Variants in FRMD3 observed in about 807,000 individuals in gnomAD.
FRMD3 encodes the protein FERM domain containing 3, also known as FERM domain-containing protein 3.
In FRMD3, 33 loss-of-function variants were observed where a neutral mutation model predicts 70.2. The observed-to-expected ratio is 0.47, with a 90% CI of 0.36 to 0.63. The LOEUF (loss-of-function observed/expected upper bound fraction) is 0.63, where lower values mean the gene tolerates loss of function less well. Among genes scored for constraint, FRMD3 ranks in the 20% least tolerant of loss-of-function variants. The pLI, the probability that FRMD3 is intolerant of heterozygous loss-of-function variation, is 0.00. For missense variants in FRMD3, 632 were observed against 711.4 expected (o/e 0.89, Z 1.27); for synonymous variants, 279 against 255.9 (o/e 1.09, Z -0.86).
At chr9:83,470,915 G>A (rs1828252902) in intron 1 of FRMD3, among the ~76,000 whole-genome samples, 1 of 152,226 alleles carries the variant, frequency 6.6e-6, no homozygotes, top group Non-Finnish European at 1.5e-5. Flanking sequence ...ACAAGCTGGA[G>A]CATTTTCCCC....
At chr9:83,302,693 G>A (rs1197738224) in intron 10 of FRMD3, among the ~76,000 whole-genome samples, 2 of 151,986 alleles carry the variant, frequency 1.3e-5, no homozygotes, top group Non-Finnish European at 2.9e-5. Flanking sequence ...AATTATGGAG[G>A]TTCCAGAAAA....
At chr9:83,581,243 C>G in the FRMD3 span, among the ~76,000 whole-genome samples, 2 of 152,086 alleles carry the variant, frequency 1.3e-5, no homozygotes, top group African/African-American at 4.8e-5. Flanking sequence ...AAATTGTATA[C>G]CAAGTATATA....
chr9:83,454,799 A>C, intron 1 of FRMD3, among the ~76,000 whole-genome samples: 1 of 152,198 alleles, frequency 6.6e-6, no homozygotes, highest in African/African-American at 2.4e-5. Flanking sequence ...TCATCTTTGC[A>C]AACATTTTTT....
intron 12 of FRMD3, among the ~76,000 whole-genome samples, chr9:83,296,372 C>T (rs1230579250): frequency 6.6e-6 from 1 of 152,188 alleles, no homozygotes. Flanking sequence ...GTGCTGCTGT[C>T]ATCCCATACT....
chr9:83,509,083 A>T (rs1587497251), intron 1 of FRMD3, among the ~76,000 whole-genome samples: 1 of 151,032 alleles, frequency 6.6e-6, no homozygotes, highest in Middle Eastern at 3.4e-3. Context: ...TATTTTACTT[A>T]TTTTTGCCTC....
intron 5 of FRMD3, among the ~76,000 whole-genome samples, chr9:83,339,127 A>G: frequency 6.6e-6 from 1 of 152,098 alleles, no homozygotes. Flanking sequence ...ATCTTGTGAG[A>G]TATTATAGAC....
chr9:83,329,009 A>G (rs1836137557), intron 6 of FRMD3, among the ~76,000 whole-genome samples: 1 of 152,152 alleles, frequency 6.6e-6, no homozygotes, highest in Non-Finnish European at 1.5e-5. Context: ...TCATGGCCAC[A>G]TTGCACTTTG....
chr9:83,550,414 G>A, the FRMD3 span, among the ~76,000 whole-genome samples: 1 of 152,142 alleles, frequency 6.6e-6, no homozygotes, highest in Non-Finnish European at 1.5e-5. Context: ...GCTTAGGATT[G>A]CCTTGGCTAT....
chr9:83,565,532 C>T, the FRMD3 span, among the ~76,000 whole-genome samples: 1 of 152,176 alleles, frequency 6.6e-6, no homozygotes, highest in African/African-American at 2.4e-5. Context: ...TCTTGGGCTA[C>T]TCAGATGGAC....
At chr9:83,352,674 T>C (rs1322918193) in intron 3 of FRMD3, among the ~76,000 whole-genome samples, 1 of 152,178 alleles carries the variant, frequency 6.6e-6, no homozygotes, top group Non-Finnish European at 1.5e-5. Context: ...TCCTCTTCAT[T>C]TGAAGCAGTT....
intron 6 of FRMD3, among the ~76,000 whole-genome samples, chr9:83,316,156 T>C (rs1281565504): frequency 7.5e-6 from 1 of 133,038 alleles, no homozygotes; most frequent in Non-Finnish European, 1.6e-5. Flanking sequence ...CTCTTTTTTT[T>C]TTTTCTTTTT....
chr9:83,555,020 A>G, the FRMD3 span, among the ~76,000 whole-genome samples: 143 of 152,222 alleles, frequency 9.4e-4, no homozygotes, highest in Non-Finnish European at 1.4e-3. Context: ...GGAGGTACAA[A>G]CCTTTTGCTG....
intron 8 of FRMD3, 67 bp from the exon 9 acceptor site, chr9:83,310,615 C>T (rs1340453395): frequency 7.2e-6 from 9 of 1,243,812 alleles, no homozygotes; most frequent in South Asian, 1.3e-5. Flanking sequence ...CTGGGTTTCC[C>T]ATAGGAATCT....
intron 13 of FRMD3, among the ~76,000 whole-genome samples, chr9:83,261,414 C>A (rs555347261): frequency 6.6e-6 from 1 of 152,138 alleles, no homozygotes; most frequent in Non-Finnish European, 1.5e-5. Flanking sequence ...ATGGCTCTCA[C>A]AAAGTCTCCA....
intron 1 of FRMD3, among the ~76,000 whole-genome samples, chr9:83,468,502 G>A (rs1251092197): frequency 6.6e-6 from 1 of 152,064 alleles, no homozygotes; most frequent in Admixed American, 6.5e-5. Context: ...CAATTGAGTC[G>A]GACAGAACTT....
intron 1 of FRMD3, among the ~76,000 whole-genome samples, chr9:83,521,515 C>T (rs1221437013): frequency 2.0e-5 from 3 of 152,180 alleles, no homozygotes; most frequent in Non-Finnish European, 2.9e-5. Flanking sequence ...AACTGGCAAA[C>T]GCCAATTTGC....
At chr9:83,527,146 AC>A (rs907359931) in intron 1 of FRMD3, among the ~76,000 whole-genome samples, 2 of 152,118 alleles carry the variant, frequency 1.3e-5, no homozygotes, top group African/African-American at 4.8e-5. Context: ...TTTCAGAAAT[AC>A]CACCAGGAGT....
chr9:83,512,374 G>C (rs78292390), intron 1 of FRMD3, among the ~76,000 whole-genome samples: 2,858 of 152,254 alleles, frequency 0.019, 90 homozygotes, highest in African/African-American at 0.064. Context: ...GGCACACAAG[G>C]GGTGAACAAG....
chr9:83,436,522 A>G (rs1157745360), intron 1 of FRMD3, among the ~76,000 whole-genome samples: 1 of 150,598 alleles, frequency 6.6e-6, no homozygotes, highest in African/African-American at 2.4e-5. Flanking sequence ...CTAGCAAAGA[A>G]AATCTTGCTT....
Sources: gnomAD v4.1 joint callset for allele counts (sites outside exome capture counted in the v4.1 genomes callset) on GRCh38, gnomAD v4.1.1 for gene constraint, MANE v1.5 for transcripts, NCBI Gene and HGNC (gene_info 2026-07-23, HGNC 2026-07-21) for gene names.